The following CTDSP2 variants were observed in gnomAD, a reference collection of about 807,000 sequenced individuals.
The protein encoded by CTDSP2 is carboxy-terminal domain RNA polymerase II polypeptide A small phosphatase 2.
In CTDSP2, 9 loss-of-function variants were observed where a neutral mutation model predicts 31.6. That is an observed-to-expected ratio of 0.28 (90% CI 0.17 to 0.50). The LOEUF (loss-of-function observed/expected upper bound fraction) is 0.50, where lower values mean the gene tolerates loss of function less well. Among genes scored for constraint, CTDSP2 ranks in the 20% least tolerant of loss-of-function variants. The pLI is 0.98. For synonymous variants in CTDSP2, 134 were observed against 134.5 expected (o/e 1.00, Z 0.03); for missense variants, 267 against 348.5 (o/e 0.77, Z 1.86).
In CTDSP2 at chr12:57,844,845, G is replaced by T. The variant is rs1956304253; in HGVS notation, c.64+1527C>A. Among the ~76,000 whole-genome samples the T allele has an allele frequency of 2.0e-5, 3 of 151,978 alleles. No homozygotes were observed. In the South Asian group the frequency reaches 6.3e-4, roughly 32 times the overall value. On this transcript the variant is annotated intron_variant, in intron 1 of 7. Coordinates refer to ENST00000398073, the MANE Select transcript of CTDSP2 (RefSeq NM_005730.4). ...AGTAGGCAAGGCCATCCCTTCTCAG[G>T]GCAGGCTTATTTAAAGTCCGGCCAG... is the stretch of plus-strand genomic sequence containing the variant.
intron 1 of CTDSP2, among the ~76,000 whole-genome samples, chr12:57,830,218 T>C (rs575724663): frequency 7.5e-4 from 114 of 152,242 alleles, no homozygotes; most frequent in Admixed American, 2.0e-3. Flanking sequence ...ACCCTGTCTC[T>C]ACTAAAAATA....
At position 57,826,958 on chromosome 12, in the gene CTDSP2, C is replaced by T. The variant is rs903796764; in HGVS notation, c.354+38G>A. 4.7e-6 allele frequency: 7 copies of T among 1,479,660 alleles called. No individual in the cohort carries two copies. The African/African-American group carries it at 5.5e-5, about 12-fold the overall frequency. 91.7% of individuals were successfully genotyped at this position (1,479,660 alleles called of 1,614,324 possible). On this transcript the variant is annotated intron_variant, in intron 4 of 7. Transcript: ENST00000398073. ...CTGTTGCCAGATTCACAAGAAGGCCCAAGATAAAGGTAGGAAGGGTTCCAG... is the reference window on the plus strand; with the variant it reads ...CTGTTGCCAGATTCACAAGAAGGCCTAAGATAAAGGTAGGAAGGGTTCCAG...
At chr12:57,846,346 A>C in intron 1 of CTDSP2, 26 bp downstream of exon 1, 2 of 1,595,306 alleles carry the variant, frequency 1.3e-6, no homozygotes, top group Non-Finnish European at 1.7e-6. Context: ...GGGCGACGCA[A>C]AGTTTTGGGA....
chr12:57,824,466 CCT>C (rs1298103443), intron 5 of CTDSP2, 147 bp from the exon 6 acceptor site: 22 of 692,674 alleles, frequency 3.2e-5, no homozygotes, highest in East Asian at 8.2e-5. Flanking sequence ...CCTGCGGCCC[CCT>C]GAGACCCCAC....
chr12:57,831,490 A>G (rs1184984045), intron 1 of CTDSP2, among the ~76,000 whole-genome samples: 3 of 152,118 alleles, frequency 2.0e-5, no homozygotes, highest in Non-Finnish European at 4.4e-5. Flanking sequence ...TCCTTTTGCT[A>G]TAGATGAAAT....
intron 3 of CTDSP2, 115 bp from the exon 4 acceptor site, chr12:57,827,212 T>C (rs1956188471): frequency 8.2e-6 from 6 of 733,836 alleles, no homozygotes; most frequent in South Asian, 4.9e-5. Context: ...CAACCCAGGA[T>C]AGGCACCACT....
At chr12:57,838,601 G>A (rs1956262285) in intron 1 of CTDSP2, among the ~76,000 whole-genome samples, 1 of 152,220 alleles carries the variant, frequency 6.6e-6, no homozygotes, top group Non-Finnish European at 1.5e-5. Context: ...AGGTATGTAG[G>A]CCTGCTTTAG....
In CTDSP2 at chr12:57,824,057, C is replaced by T. The variant is rs1353309747; in HGVS notation, c.537G>A (p.Arg179=). ...YADPVTDLLD[R]CGVFRARLFR... ...ATAGGCGGGCCCGGAACACCCCACA[C>T]CGGTCCAGCAGGTCTGTCACAGGGT... The change falls in exon 7 of 8, where the codon CGG becomes CGA. Residue 179 remains arginine (R), a synonymous_variant. Transcript: ENST00000398073. 1 of 1,614,100 alleles carries T rather than the reference C, an allele frequency of 6.2e-7. No individual in the cohort carries two copies. The highest frequency in any genetic ancestry group is 1.1e-5 in the South Asian group (1 of 91,082).
rs1349783545 is a variant in CTDSP2, at chr12:57,820,357, C to T, written c.*3245G>A. 2 of 152,124 alleles carry T rather than the reference C, an allele frequency of 1.3e-5. No homozygotes were observed. The highest frequency in any genetic ancestry group is 2.9e-5 in the Non-Finnish European group (2 of 68,032). The allele number at this position is 152,124 out of a possible 1,614,324, so 9.4% of individuals were successfully genotyped here. On this transcript the variant is annotated 3_prime_UTR_variant, in exon 8 of 8. Coordinates refer to ENST00000398073, the MANE Select transcript of CTDSP2 (RefSeq NM_005730.4). ...CTAAACCCGTTTAGGAAAAAGGGACCGAGGGACAGCAGTGGTTAAGTAATC... is the reference window on the plus strand; with the variant it reads ...CTAAACCCGTTTAGGAAAAAGGGACTGAGGGACAGCAGTGGTTAAGTAATC...
chr12:57,827,392 C>T (rs1479814887), intron 3 of CTDSP2, 160 bp downstream of exon 3: 1 of 753,372 alleles, frequency 1.3e-6, no homozygotes, highest in Non-Finnish European at 2.3e-6. Context: ...TAATGCCTTG[C>T]ACATAGCAGG....
intron 5 of CTDSP2, among the ~76,000 whole-genome samples, chr12:57,825,863 G>T (rs906166877): frequency 6.6e-6 from 1 of 152,156 alleles, no homozygotes; most frequent in South Asian, 2.1e-4. Flanking sequence ...TTCACAGTGG[G>T]GGTGGCAGGG....
At position 57,846,583 on chromosome 12, in the gene CTDSP2, C is replaced by T; in HGVS notation, c.-148G>A. ...TTCACATCCCCCCTCTCGTTTCCTC[C>T]CCGGACCGGGAAGGGAGGCGGCCTG... On this transcript the variant is annotated 5_prime_UTR_variant, in exon 1 of 8. Coordinates refer to ENST00000398073, the MANE Select transcript of CTDSP2 (RefSeq NM_005730.4). 1 of 651,636 alleles carries T rather than the reference C, an allele frequency of 1.5e-6. No homozygotes were observed. The highest frequency in any genetic ancestry group is 2.0e-5 in the African/African-American group (1 of 51,200). 40.4% of individuals were successfully genotyped at this position (651,636 alleles called of 1,614,324 possible).
chr12:57,829,002 C>T (rs538547025), intron 2 of CTDSP2, among the ~76,000 whole-genome samples: 1 of 152,286 alleles, frequency 6.6e-6, no homozygotes, highest in South Asian at 2.1e-4. Context: ...TAATTGAGAA[C>T]AACAACACAG....
intron 2 of CTDSP2, 58 bp from the exon 3 acceptor site, chr12:57,827,648 A>C: frequency 6.5e-7 from 1 of 1,540,418 alleles, no homozygotes; most frequent in Non-Finnish European, 8.9e-7. Flanking sequence ...CCCCATCCAA[A>C]CCCACTGCTT....
chr12:57,827,071 C>T lies in CTDSP2; in HGVS notation c.279G>A (p.Glu93=). ...YQIPGTCLLP[E]VTEEDQGRIC... is the part of the protein sequence containing the mutation. ...TCCTTCCTTGATCTTCCTCTGTCAC[C>T]TCTGGGAGCAGGCAGGTCCCTGGGA... Residue 93 remains glutamate (E), a synonymous_variant, in exon 4 of 8, where the codon GAG becomes GAA. Coordinates refer to ENST00000398073, the MANE Select transcript of CTDSP2 (RefSeq NM_005730.4). The T allele has an allele frequency of 1.2e-6, 2 of 1,613,748 alleles. No individual in the cohort carries two copies. Among genetic ancestry groups the T allele is most frequent in the Non-Finnish European group, 1.7e-6 (2 of 1,179,928 alleles).
intron 7 of CTDSP2, 42 bp downstream of exon 7, chr12:57,823,862 C>T (rs1290683868): frequency 6.2e-7 from 1 of 1,610,448 alleles, no homozygotes; most frequent in Non-Finnish European, 8.5e-7. Flanking sequence ...AGTCTGCTTC[C>T]TCTCCCAATC....
At position 57,822,182 on chromosome 12, in the gene CTDSP2, C is replaced by T. The variant is rs1402995224; in HGVS notation, c.*1420G>A. The T allele has an allele frequency of 6.6e-6, 1 of 152,576 alleles. No homozygotes were observed. Among genetic ancestry groups the T allele is most frequent in the Non-Finnish European group, 1.5e-5 (1 of 68,024 alleles). The allele number at this position is 152,576 out of a possible 1,614,324, so 9.5% of individuals were successfully genotyped here. On this transcript the variant is annotated 3_prime_UTR_variant, in exon 8 of 8. Transcript: ENST00000398073. ...TTAAGGCAGTGATGCTGAGGTGGGG[C>T]TCCTTTTTGGGAGGCCCCTTGTGCT...
At chr12:57,832,333 G>A (rs1956220767) in intron 1 of CTDSP2, among the ~76,000 whole-genome samples, 1 of 152,150 alleles carries the variant, frequency 6.6e-6, no homozygotes, top group African/African-American at 2.4e-5. Context: ...AGTTGTGCTG[G>A]GGACATCCCC....
rs1291225422 is a variant in CTDSP2 at position 57,822,225 on chromosome 12, T to C, written c.*1377A>G. On this transcript the variant is annotated 3_prime_UTR_variant, in exon 8 of 8. Transcript: ENST00000398073. The stretch of plus-strand genomic sequence containing the variant: ...CTTGTGCTCCCAATTACAGCAGCAC[T>C]TCCTCTTATTTTCCACCCTGGGAAA... The C allele has an allele frequency of 1.3e-5, 2 of 152,564 alleles. No homozygotes were observed. Among genetic ancestry groups the C allele is most frequent in the Non-Finnish European group, 2.9e-5 (2 of 68,032 alleles). The allele number at this position is 152,564 out of a possible 1,614,324, so 9.5% of individuals were successfully genotyped here. A position where few individuals can be genotyped will look rare whatever the true frequency, so the allele number is the denominator to read the frequency against.
Sources: gnomAD v4.1 joint callset for allele counts (sites outside exome capture counted in the v4.1 genomes callset) on GRCh38, gnomAD v4.1.1 for gene constraint, MANE v1.5 for transcripts, NCBI Gene and HGNC (gene_info 2026-07-23, HGNC 2026-07-21) for gene names.